GLIS3: variants seen among roughly 807,000 people sequenced by gnomAD.
The protein encoded by GLIS3 is zinc finger protein GLIS3.
A neutral mutation model predicts 78.6 loss-of-function variants in GLIS3; 53 were observed. The ratio of observed to expected loss-of-function variants is 0.67; its 90% CI spans 0.54 to 0.85. The LOEUF (loss-of-function observed/expected upper bound fraction) is 0.85. Ranked by LOEUF, GLIS3 falls within the 40% of genes least tolerant of loss-of-function variation. The probability of loss-of-function intolerance (pLI) is 0.00; values close to 1 mark genes in which losing one functional copy is unlikely to be tolerated. For synonymous variants in GLIS3, 684 were observed against 509.9 expected (o/e 1.34, Z -4.60); for missense variants, 1,703 against 1,231.1 (o/e 1.38, Z -5.74).
intron 8 of GLIS3, among the ~76,000 whole-genome samples, chr9:3,877,974 C>G (rs1209038428): frequency 1.3e-5 from 2 of 152,182 alleles, no homozygotes; most frequent in African/African-American, 2.4e-5. Flanking sequence ...ATCAAATACA[C>G]AATTCCCACA....
intron 4 of GLIS3, among the ~76,000 whole-genome samples, chr9:4,103,804 T>C (rs1422216472): frequency 6.6e-6 from 1 of 152,134 alleles, no homozygotes; most frequent in African/African-American, 2.4e-5. Context: ...TATATTCTGG[T>C]CTGGAAGCAT....
chr9:4,441,742 G>A, the GLIS3 span, among the ~76,000 whole-genome samples: 1 of 152,078 alleles, frequency 6.6e-6, no homozygotes, highest in East Asian at 1.9e-4. Context: ...AAGTAGCTGG[G>A]ATTGCAGGTG....
chr9:4,110,283 G>T (rs1831105319), intron 4 of GLIS3, among the ~76,000 whole-genome samples: 1 of 152,046 alleles, frequency 6.6e-6, no homozygotes, highest in African/African-American at 2.4e-5. Context: ...GTCCTAATTT[G>T]AAAAATAAAG....
At chr9:4,249,406 T>C (rs142653052) in intron 2 of GLIS3, among the ~76,000 whole-genome samples, 83 of 152,346 alleles carry the variant, frequency 5.4e-4, no homozygotes, top group Admixed American at 1.5e-3. Flanking sequence ...AGTTAACTCA[T>C]GATTTGGCTG....
At chr9:4,427,262 T>A in the GLIS3 span, among the ~76,000 whole-genome samples, 1 of 152,158 alleles carries the variant, frequency 6.6e-6, no homozygotes, top group Admixed American at 6.5e-5. Flanking sequence ...AATTTTTATA[T>A]CATCGTGAAG....
chr9:4,139,076 T>A (rs142972784), intron 2 of GLIS3, among the ~76,000 whole-genome samples: 1 of 152,122 alleles, frequency 6.6e-6, no homozygotes, highest in African/African-American at 2.4e-5. Flanking sequence ...GCAAACAGGG[T>A]AAAGCCCAAC....
rs57500070 is a variant in GLIS3 at position 4,346,364 on chromosome 9, C to T, written n.264+717G>A. ...GCTTCATTTGACAGTCAAAGCAGAG[C>T]GATGACTTTGGTGTTCTAGCCAGTG... is the stretch of plus-strand genomic sequence containing the variant. On this transcript the variant is annotated intron_variant and non_coding_transcript_variant, in intron 2 of 4. Coordinates refer to the GLIS3 transcript ENST00000471664. 8.1e-3 allele frequency among the ~76,000 whole-genome samples: 1,201 copies of T among 149,098 alleles called. 13 individuals are homozygous for T. The highest frequency in any genetic ancestry group is 0.028 in the African/African-American group (1,113 of 40,470).
At chr9:4,361,946 A>C in the GLIS3 span, among the ~76,000 whole-genome samples, 1 of 152,258 alleles carries the variant, frequency 6.6e-6, no homozygotes, top group African/African-American at 2.4e-5. Context: ...ATCCAAAAGA[A>C]AGAAAATATG....
intron 8 of GLIS3, among the ~76,000 whole-genome samples, chr9:3,864,939 A>G (rs903025174): frequency 6.6e-6 from 1 of 152,174 alleles, no homozygotes; most frequent in Admixed American, 6.5e-5. Flanking sequence ...TCTGCTGAAC[A>G]TGGTTCCACA....
intron 4 of GLIS3, among the ~76,000 whole-genome samples, chr9:3,954,751 G>T (rs1816972186): frequency 6.6e-6 from 1 of 152,180 alleles, no homozygotes; most frequent in Admixed American, 6.5e-5. Context: ...TATGGAGAAA[G>T]AATGAATATT....
intron 6 of GLIS3, among the ~76,000 whole-genome samples, chr9:3,900,368 TTGGTACAAACAG>T (rs1272090619): frequency 1.3e-5 from 2 of 152,100 alleles, no homozygotes; most frequent in Non-Finnish European, 2.9e-5. Context: ...GGAGTGAATA[TTGGTACAAACAG>T]TCTAGATGGT....
intron 9 of GLIS3, among the ~76,000 whole-genome samples, chr9:3,843,725 C>T (rs1327328686): frequency 6.6e-6 from 1 of 152,182 alleles, no homozygotes; most frequent in African/African-American, 2.4e-5. Flanking sequence ...AATACCACAT[C>T]AGCCCAGATC....
the GLIS3 span, among the ~76,000 whole-genome samples, chr9:4,367,153 G>C: frequency 2.0e-5 from 3 of 152,146 alleles, no homozygotes; most frequent in Admixed American, 1.3e-4. Flanking sequence ...CACTGCCTTT[G>C]AAATCAACTT....
intron 2 of GLIS3, among the ~76,000 whole-genome samples, chr9:4,337,468 T>C (rs1407125322): frequency 1.3e-5 from 2 of 150,138 alleles, no homozygotes; most frequent in African/African-American, 5.1e-5. Context: ...ATACTTTTGA[T>C]TTAAACGAAT....
chr9:4,475,054 C>G, the GLIS3 span, among the ~76,000 whole-genome samples: 1 of 132,986 alleles, frequency 7.5e-6, no homozygotes, highest in Non-Finnish European at 1.5e-5. Context: ...AGTGCAGTGG[C>G]ATGATCTCGG....
intron 2 of GLIS3, among the ~76,000 whole-genome samples, chr9:4,237,916 G>A (rs1214803543): frequency 1.3e-5 from 2 of 152,074 alleles, no homozygotes; most frequent in Non-Finnish European, 2.9e-5. Flanking sequence ...TAATTCACTA[G>A]CCCAGCAGCT....
chr9:4,425,296 G>C, the GLIS3 span, among the ~76,000 whole-genome samples: 1 of 152,188 alleles, frequency 6.6e-6, no homozygotes, highest in East Asian at 1.9e-4. Context: ...ACACAAGACT[G>C]TTTCCCTTTA....
At chr9:4,171,178 T>C (rs1816339853) in intron 2 of GLIS3, among the ~76,000 whole-genome samples, 1 of 152,178 alleles carries the variant, frequency 6.6e-6, no homozygotes, top group African/African-American at 2.4e-5. Flanking sequence ...ACAATTCAAT[T>C]TTGCAGGGAT....
At position 4,101,222 on chromosome 9, in the gene GLIS3, C is replaced by T. The variant is rs572825413; in HGVS notation, c.1710+16546G>A. Among the ~76,000 whole-genome samples, 262 of 152,272 alleles carry T rather than the reference C, an allele frequency of 1.7e-3. 2 individuals are homozygous for T. Among genetic ancestry groups the T allele is most frequent in the Non-Finnish European group, 2.9e-3 (199 of 68,016 alleles). On this transcript the variant is annotated intron_variant, in intron 4 of 10. Transcript: ENST00000381971. ...ATTGCAACCATCTTTTCTACTGCAA[C>T]GGATTACTGTGAGAGTCCAGTGAGA...
Sources: allele counts gnomAD v4.1 joint callset (sites outside exome capture counted in the v4.1 genomes callset), GRCh38; gene constraint gnomAD v4.1.1; transcripts MANE v1.5; gene names NCBI Gene and HGNC (gene_info 2026-07-23, HGNC 2026-07-21).